Variants in IL23R observed in about 807,000 individuals in gnomAD.
IL23R encodes the protein interleukin-23 receptor.
Under a neutral mutation model 56.9 loss-of-function variants are expected in IL23R, and 34 were observed. That is an observed-to-expected ratio of 0.60 (90% CI 0.45 to 0.80). The LOEUF is 0.80. IL23R is among the 30% of genes least tolerant of loss of function. IL23R has a pLI of 0.00. For synonymous variants in IL23R, 230 were observed against 249.2 expected (o/e 0.92, Z 0.73); for missense variants, 635 against 730.0 (o/e 0.87, Z 1.50).
intron 7 of IL23R, among the ~76,000 whole-genome samples, chr1:67,229,753 T>G (rs1378156051): frequency 6.6e-6 from 1 of 152,184 alleles, no homozygotes; most frequent in African/African-American, 2.4e-5. Context: ...AGACACAATA[T>G]GTACTTCGTA....
chr1:67,240,959 TG>T (rs1487037366), intron 9 of IL23R, among the ~76,000 whole-genome samples: 1 of 152,256 alleles, frequency 6.6e-6, no homozygotes, highest in East Asian at 1.9e-4. Flanking sequence ...TATGAGTGGT[TG>T]GAGTATGGCT....
intron 1 of IL23R, among the ~76,000 whole-genome samples, chr1:67,146,433 A>C (rs1439781046): frequency 6.6e-6 from 1 of 152,176 alleles, no homozygotes; most frequent in East Asian, 1.9e-4. Context: ...TCTCACAGAG[A>C]TCACTGTGAA....
chr1:67,154,377 A>G (rs773796552), intron 1 of IL23R, among the ~76,000 whole-genome samples: 4 of 152,072 alleles, frequency 2.6e-5, no homozygotes, highest in African/African-American at 4.8e-5. Context: ...TCCCAGTATT[A>G]TTGTGTGGGA....
intron 6 of IL23R, among the ~76,000 whole-genome samples, chr1:67,214,971 C>A (rs1649736815): frequency 6.6e-6 from 1 of 152,198 alleles, no homozygotes; most frequent in African/African-American, 2.4e-5. Context: ...CATTGTGAAA[C>A]TCCCTGCCCT....
chr1:67,147,162 A>C (rs1287285278), intron 1 of IL23R, among the ~76,000 whole-genome samples: 2 of 152,114 alleles, frequency 1.3e-5, no homozygotes, highest in East Asian at 3.9e-4. Flanking sequence ...AAAAGACTTA[A>C]GCAGATGAGA....
At chr1:67,258,323 A>AC (rs1277134180) in intron 10 of IL23R, among the ~76,000 whole-genome samples, 155 bp from the exon 11 acceptor site, 3 of 152,218 alleles carry the variant, frequency 2.0e-5, no homozygotes, top group African/African-American at 7.2e-5. Context: ...ATAACAAAAG[A>AC]CAAAAGGAGG....
At chr1:67,141,137 A>C (rs1646633227) in intron 1 of IL23R, among the ~76,000 whole-genome samples, 1 of 152,208 alleles carries the variant, frequency 6.6e-6, no homozygotes, top group Admixed American at 6.5e-5. Flanking sequence ...AAGATTAGAA[A>C]GCTTTATACA....
At position 67,194,735 on chromosome 1, in the gene IL23R, A is replaced by G. The variant is rs79710532; in HGVS notation, c.492-6002A>G. Among the ~76,000 whole-genome samples, 442 of 152,292 alleles carry G rather than the reference A, an allele frequency of 2.9e-3. 3 individuals are homozygous for G. The highest frequency in any genetic ancestry group is 0.015 in the Admixed American group (229 of 15,294). On this transcript the variant is annotated intron_variant, in intron 4 of 10. Transcript: ENST00000347310. ...AGAACATATAATGTGGTTTTCTCTA[A>G]CTGGAAAATATTCAAAGATGTCCTA...
chr1:67,158,514 A>C (rs542957788), intron 1 of IL23R, among the ~76,000 whole-genome samples: 5 of 152,348 alleles, frequency 3.3e-5, no homozygotes, highest in African/African-American at 4.8e-5. Flanking sequence ...GATTATGCAG[A>C]AATTTTTAGG....
intron 3 of IL23R, 52 bp from the exon 4 acceptor site, chr1:67,182,784 A>G (rs1251276899): frequency 1.9e-5 from 30 of 1,610,478 alleles, no homozygotes; most frequent in Non-Finnish European, 2.5e-6. Flanking sequence ...GCTTGGGACC[A>G]GAGAACTTCG....
Position 67,258,925 on chromosome 1 carries a change from A to G in IL23R, c.1687A>G (p.Ile563Val). ...LNQGECSSPD[I>V]QNSVEEETTM... ...TCAAGGAGAATGCAGTTCTCCTGAC[A>G]TACAAAACTCAGTAGAGGAGGAAAC... The change falls in exon 11 of 11, where the codon ATA (isoleucine) becomes GTA (valine). Residue 563 changes from isoleucine (I) to valine (V), a missense_variant. Physicochemically the swap from Ile to Val is conservative, Grantham distance 29. Coordinates refer to ENST00000347310, the MANE Select transcript of IL23R (RefSeq NM_144701.3). The G allele has an allele frequency of 3.1e-6, 5 of 1,614,058 alleles. No individual in the cohort carries two copies. Among genetic ancestry groups the G allele is most frequent in the East Asian group, 2.2e-5 (1 of 44,864 alleles).
At position 67,210,587 on chromosome 1, in the gene IL23R, C is replaced by T. The variant is rs150555777; in HGVS notation, c.798+3532C>T. On this transcript the variant is annotated intron_variant, in intron 6 of 10. Coordinates refer to ENST00000347310, the MANE Select transcript of IL23R (RefSeq NM_144701.3). ...AAGTGATCCTCCTGCCTTAGCCTCC[C>T]AAGTAGCTGGGACTACAGTCACTCA... 8.9e-3 allele frequency among the ~76,000 whole-genome samples: 1,353 copies of T among 152,210 alleles called. 12 individuals are homozygous for T. Among genetic ancestry groups the T allele is most frequent in the Non-Finnish European group, 0.014 (919 of 68,010 alleles).
intron 4 of IL23R, among the ~76,000 whole-genome samples, chr1:67,187,970 T>C (rs1647465926): frequency 6.6e-6 from 1 of 152,178 alleles, no homozygotes; most frequent in African/African-American, 2.4e-5. Flanking sequence ...GAGAATCGCT[T>C]GAACCTGGGA....
chr1:67,245,998 G>C (rs1345422479), intron 9 of IL23R, among the ~76,000 whole-genome samples: 1 of 152,082 alleles, frequency 6.6e-6, no homozygotes, highest in Non-Finnish European at 1.5e-5. Flanking sequence ...ACTGGTTTTT[G>C]GTCTATTCAG....
chr1:67,193,698 GTGT>G (rs1413497995), intron 4 of IL23R, among the ~76,000 whole-genome samples: 1 of 152,170 alleles, frequency 6.6e-6, no homozygotes, highest in African/African-American at 2.4e-5. Flanking sequence ...AAAAACCAAA[GTGT>G]TGTTCTCCTT....
intron 5 of IL23R, among the ~76,000 whole-genome samples, chr1:67,205,905 TTC>T (rs1183745055): frequency 8.1e-6 from 1 of 124,146 alleles, no homozygotes; most frequent in Admixed American, 9.5e-5. Context: ...CTTTCTTTCT[TTC>T]TTTCTTTCTT....
chr1:67,145,353 C>T (rs1379588186), intron 1 of IL23R, among the ~76,000 whole-genome samples: 1 of 152,010 alleles, frequency 6.6e-6, no homozygotes. Context: ...GTCTCAAATA[C>T]GTACATAAAA....
intron 1 of IL23R, among the ~76,000 whole-genome samples, chr1:67,160,398 A>T (rs1158995803): frequency 6.6e-6 from 1 of 152,236 alleles, no homozygotes; most frequent in Non-Finnish European, 1.5e-5. Context: ...ATTGAATTGT[A>T]AAAACCACTG....
chr1:67,222,298 A>G (rs931186172), intron 7 of IL23R, among the ~76,000 whole-genome samples: 4 of 151,332 alleles, frequency 2.6e-5, no homozygotes, highest in African/African-American at 9.7e-5. Flanking sequence ...TGTATTTTTA[A>G]TAGAGGCGGG....
Sources: gnomAD v4.1 joint callset for allele counts (sites outside exome capture counted in the v4.1 genomes callset) on GRCh38, gnomAD v4.1.1 for gene constraint, MANE v1.5 for transcripts, NCBI Gene and HGNC (gene_info 2026-07-23, HGNC 2026-07-21) for gene names.